SETD9: variants seen among roughly 807,000 people sequenced by gnomAD.
SETD9 encodes the protein SET domain containing 9.
In SETD9, 37 loss-of-function variants were observed where a neutral mutation model predicts 36.4. The observed-to-expected ratio is 1.02, with a 90% confidence interval of 0.78 to 1.34. The LOEUF (loss-of-function observed/expected upper bound fraction) is 1.34. SETD9 is among the 40% of genes most tolerant of loss of function. The pLI, the probability that SETD9 is intolerant of heterozygous loss-of-function variation, is 0.00. For missense variants in SETD9, 323 were observed against 353.2 expected (o/e 0.91, Z 0.69); for synonymous variants, 128 against 132.9 (o/e 0.96, Z 0.26).
intron 2 of SETD9, 187 bp downstream of exon 2, chr5:56,911,723 C>A: frequency 1.8e-6 from 1 of 559,626 alleles, no homozygotes. Flanking sequence ...TAGAAAGTAT[C>A]CTGGAGTATT....
In SETD9 at chr5:56,913,078, C is replaced by A; in HGVS notation, c.534C>A (p.Cys178Ter). 3 of 1,613,826 alleles carry A rather than the reference C, an allele frequency of 1.9e-6. No homozygotes were observed. Among genetic ancestry groups the A allele is most frequent in the Non-Finnish European group, 2.5e-6 (3 of 1,179,860 alleles). Residue 178 changes from cysteine (C) to a stop codon, truncating the protein, a stop_gained, in exon 3 of 6, where the codon TGC becomes TGA. Coordinates refer to ENST00000285947, the MANE Select transcript of SETD9 (RefSeq NM_153706.4). LOFTEE classifies it high-confidence loss of function. ...QSIGNPFIFRCLDGVLIDGND... is the reference protein window; with the variant it reads ...QSIGNPFIFR ...TTGGAAATCCGTTTATTTTTAGATG[C>A]CTGGATGGGGTACTCATTGATGGGA...
intron 2 of SETD9, 127 bp downstream of exon 2, chr5:56,911,663 A>AT: frequency 9.5e-7 from 1 of 1,053,530 alleles, no homozygotes; most frequent in Non-Finnish European, 1.3e-6. Context: ...GTTTCCATAG[A>AT]TTTTTGCAAT....
At chr5:56,927,478 T>G (rs540502997), downstream of SETD9, among the ~76,000 whole-genome samples, 1 of 152,282 alleles carries the variant, frequency 6.6e-6, no homozygotes, top group East Asian at 1.9e-4. Context: ...AACCCTGCCT[T>G]CCTTTAGGAT....
chr5:56,923,674 A>G, intron 5 of SETD9: 1 of 1,614,196 alleles, frequency 6.2e-7, no homozygotes, highest in Non-Finnish European at 8.5e-7. Context: ...CTAAATGCAG[A>G]AAGGTCTTCA....
intron 2 of SETD9, chr5:56,912,320 T>C: frequency 1.4e-6 from 1 of 735,582 alleles, no homozygotes; most frequent in Non-Finnish European, 1.7e-6. Flanking sequence ...CGTTATGTGT[T>C]AAACTAACAT....
At chr5:56,922,829 T>C (rs774353674) in intron 5 of SETD9, 7 of 329,338 alleles carry the variant, frequency 2.1e-5, no homozygotes, top group South Asian at 8.1e-5. Flanking sequence ...CACAAAAGAA[T>C]AGAAAAAGAA....
upstream of SETD9, chr5:56,909,546 G>A (rs571108410): frequency 2.3e-6 from 2 of 853,618 alleles, no homozygotes; most frequent in Admixed American, 3.6e-5. Context: ...GCCAGGGGAA[G>A]GCGGCCGAGC....
chr5:56,924,116 CACT>C (rs2112069831), intron 5 of SETD9: 8 of 1,430,710 alleles, frequency 5.6e-6, no homozygotes, highest in South Asian at 1.3e-5. Flanking sequence ...TTTTCCACAA[CACT>C]ACAACTTCAA....
chr5:56,911,507 C>T lies in SETD9; in HGVS notation c.437C>T (p.Pro146Leu), dbSNP rs1384979905. 6.3e-7 allele frequency: 1 copy of T among 1,585,628 alleles called. No homozygotes were observed. The highest frequency in any genetic ancestry group is 8.6e-7 in the Non-Finnish European group (1 of 1,169,306). ...KGVFVTKGLV[P>L]KGAVVSMYPG... Reference sequence around the variant, plus strand: ...GTCTTCGTTACTAAAGGATTGGTACCAAAAGGCGCAGTCGTATCTATGTAT... The same window carrying T: ...GTCTTCGTTACTAAAGGATTGGTACTAAAAGGCGCAGTCGTATCTATGTAT... Residue 146 changes from proline to leucine, a missense_variant, in exon 2 of 6, where the codon CCA (proline) becomes CTA (leucine). By Grantham distance (98) the Pro-to-Leu change is moderately conservative. Coordinates refer to ENST00000285947, the MANE Select transcript of SETD9 (RefSeq NM_153706.4).
At position 56,923,572 on chromosome 5, in the gene SETD9, A is replaced by G. The variant is rs1749795777; in HGVS notation, c.813-1761A>G. On this transcript the variant is annotated intron_variant, in intron 5 of 5. Coordinates refer to the SETD9 transcript ENST00000628593. ...CTGTGGGGTCGCAGACGGTTGCTAC[A>G]CTGTTGGTCAAAGCTAAAAAGGAAT... is the stretch of plus-strand genomic sequence containing the variant. 6 of 1,612,976 alleles carry G rather than the reference A, an allele frequency of 3.7e-6. No individual in the cohort carries two copies. The South Asian group carries it at 5.5e-5, about 15-fold the overall frequency.
downstream of SETD9, chr5:56,927,878 C>T (rs1051106153): frequency 6.6e-6 from 1 of 152,218 alleles, no homozygotes; most frequent in African/African-American, 2.4e-5. Flanking sequence ...ATTCACTTCT[C>T]CCTCCTGCCT....
chr5:56,913,917 G>A lies in SETD9; in HGVS notation c.634G>A (p.Asp212Asn), dbSNP rs1429974528. The part of the protein sequence containing the change: ...RDRLGPLKMS[D>N]STWLTSEIHN... ...TCGACTCGGCCCTTTAAAAATGAGT[G>A]ATAGTACATGGCTAACGTCAGAAAT... is the stretch of plus-strand genomic sequence containing the variant. The change falls in exon 4 of 6, where the codon GAT becomes AAT. Residue 212 changes from aspartate (D) to asparagine (N), a missense_variant. Coordinates refer to ENST00000285947, the MANE Select transcript of SETD9 (RefSeq NM_153706.4). 1.2e-6 allele frequency: 2 copies of A among 1,613,918 alleles called. No homozygotes were observed. Among genetic ancestry groups the A allele is most frequent in the Non-Finnish European group, 1.7e-6 (2 of 1,179,844 alleles).
downstream of SETD9, chr5:56,921,784 A>G (rs1749686433): frequency 1.3e-5 from 2 of 152,674 alleles, no homozygotes; most frequent in African/African-American, 2.4e-5. Context: ...TGCAAACAAC[A>G]TAATTCTCTA....
At chr5:56,917,868 AC>A (rs1248671421), downstream of SETD9, among the ~76,000 whole-genome samples, 1 of 152,284 alleles carries the variant, frequency 6.6e-6, no homozygotes, top group African/African-American at 2.4e-5. Flanking sequence ...TCAGTTCCAA[AC>A]TTGGATAGGA....
At chr5:56,926,657 T>G (rs1749997606), downstream of SETD9, among the ~76,000 whole-genome samples, 1 of 150,858 alleles carries the variant, frequency 6.6e-6, no homozygotes, top group African/African-American at 2.5e-5. Flanking sequence ...GGAAGACAGT[T>G]TGGCAGTTTC....
rs201956957 is a variant in SETD9, at chr5:56,914,964, A to G, written c.810A>G (p.Gln270=). 2.2e-5 allele frequency: 35 copies of G among 1,582,704 alleles called. No homozygotes were observed. The highest frequency in any genetic ancestry group is 5.2e-6 in the Non-Finnish European group (6 of 1,158,938). The part of the protein sequence containing the change: ...LPNIAYSYDK[Q]SPLRCVVLVA... ...ACATTGCCTACAGCTATGACAAACA[A>G]AGGTTCGTTTGCTAAAAGAGCATTT... Residue 270 remains glutamine (Q), a splice_region_variant and synonymous_variant, in exon 5 of 6, where the codon CAA becomes CAG. Coordinates refer to ENST00000285947, the MANE Select transcript of SETD9 (RefSeq NM_153706.4).
downstream of SETD9, among the ~76,000 whole-genome samples, chr5:56,918,758 C>T (rs573848627): frequency 4.7e-4 from 72 of 152,304 alleles, 2 homozygotes; most frequent in South Asian, 0.015. Context: ...TTCCTTTTAT[C>T]CCCTTCTTGG....
chr5:56,914,732 C>A, intron 4 of SETD9, 129 bp from the exon 5 acceptor site: 1 of 456,666 alleles, frequency 2.2e-6, no homozygotes, highest in Non-Finnish European at 3.7e-6. Context: ...GTACCTGGAA[C>A]ATAGTAGTAA....
At chr5:56,909,913 T>A in intron 1 of SETD9, 170 bp downstream of exon 1, 1 of 972,868 alleles carries the variant, frequency 1.0e-6, no homozygotes, top group Non-Finnish European at 1.5e-6. Context: ...GACTGAGGCC[T>A]CGGAGGGGTT....
Sources: gnomAD v4.1 joint callset for allele counts (sites outside exome capture counted in the v4.1 genomes callset) on GRCh38, gnomAD v4.1.1 for gene constraint, MANE v1.5 for transcripts, NCBI Gene and HGNC (gene_info 2026-07-23, HGNC 2026-07-21) for gene names.